The following ADGB variants were observed in gnomAD, a reference collection of about 807,000 sequenced individuals.
ADGB encodes the protein androglobin.
Under a neutral mutation model 210.5 loss-of-function variants are expected in ADGB, and 172 were observed. The observed-to-expected ratio is 0.82, with a 90% CI of 0.72 to 0.93. The LOEUF is 0.93. ADGB is among the 40% of genes least tolerant of loss of function. ADGB has a pLI of 0.00. For synonymous variants in ADGB, 658 were observed against 662.7 expected, an observed-to-expected ratio of 0.99 and a Z score of 0.11; for missense variants, 2,025 against 1,964.8, an observed-to-expected ratio of 1.03 and a Z score of -0.58.
intron 1 of ADGB, among the ~76,000 whole-genome samples, chr6:146,606,173 TA>T (rs1460292773): frequency 4.6e-5 from 7 of 152,172 alleles, no homozygotes; most frequent in Admixed American, 6.5e-5. Context: ...CTCTAATGAT[TA>T]GTGATGTTAA....
At chr6:146,667,274 T>C (rs1276120014) in intron 7 of ADGB, among the ~76,000 whole-genome samples, 1 of 151,948 alleles carries the variant, frequency 6.6e-6, no homozygotes, top group Non-Finnish European at 1.5e-5. Flanking sequence ...CCTCTACAGG[T>C]GGCAACTTGT....
chr6:146,613,060 A>G (rs1044831032), intron 1 of ADGB, among the ~76,000 whole-genome samples: 1 of 152,184 alleles, frequency 6.6e-6, no homozygotes, highest in Non-Finnish European at 1.5e-5. Context: ...AAACTTTGTT[A>G]TAAGCCCCTT....
rs1390155797 is a variant in ADGB at position 146,801,810 on chromosome 6, G to C, written c.4635-18G>C. 6.6e-7 allele frequency: 1 copy of C among 1,516,792 alleles called. No homozygotes were observed. Among genetic ancestry groups the C allele is most frequent in the Non-Finnish European group, 8.9e-7 (1 of 1,129,864 alleles). The allele number at this position is 1,516,792 out of a possible 1,614,324, so 94.0% of individuals were successfully genotyped here. ...TTCCCAAATGAAATCTGTATCTTTT[G>C]ATGACTTTTGTATCAAGGAAAACAG... On this transcript the variant is annotated intron_variant, in intron 34 of 35. Coordinates refer to ENST00000397944, the MANE Select transcript of ADGB (RefSeq NM_024694.4).
At position 146,721,386 on chromosome 6, in the gene ADGB, G is replaced by A. The variant is rs1208796716; in HGVS notation, c.1993-17G>A. ...TGAACTGATATTAAGTATGACAACT[G>A]GTCTAATTTCTTGCAGTTCTCAGAA... On this transcript the variant is annotated splice_polypyrimidine_tract_variant and intron_variant, in intron 16 of 35. Transcript: ENST00000397944. The A allele has an allele frequency of 1.9e-5, 27 of 1,428,532 alleles. No homozygotes were observed. Among genetic ancestry groups the A allele is most frequent in the South Asian group, 8.6e-5 (7 of 81,436 alleles). 88.5% of individuals were successfully genotyped at this position (1,428,532 alleles called of 1,614,324 possible). A position where few individuals can be genotyped will look rare whatever the true frequency, so the allele number is the denominator to read the frequency against.
At position 146,764,066 on chromosome 6, in the gene ADGB, C is replaced by G. The variant is rs1009601083; in HGVS notation, c.3716C>G (p.Pro1239Arg). The change falls in exon 28 of 36, where the codon CCC becomes CGC. Residue 1239 changes from proline to arginine, a missense_variant. Transcript: ENST00000397944. ...PLVEEETTST[P>R]TREDSSSTPL... ...GTGGAGGAGGAAACTACCAGTACACCCACTAGAGAAGACAGTTCCAGCACA... is the reference window on the plus strand; with the variant it reads ...GTGGAGGAGGAAACTACCAGTACACGCACTAGAGAAGACAGTTCCAGCACA... 1 of 1,550,606 alleles carries G rather than the reference C, an allele frequency of 6.4e-7. No individual in the cohort carries two copies. The highest frequency in any genetic ancestry group is 2.0e-5 in the Admixed American group (1 of 50,812).
intron 8 of ADGB, among the ~76,000 whole-genome samples, chr6:146,674,588 A>G (rs1776062034): frequency 6.6e-6 from 1 of 152,156 alleles, no homozygotes; most frequent in South Asian, 2.1e-4. Flanking sequence ...CAGACCAAAG[A>G]CTTCTACTTT....
Position 146,676,330 on chromosome 6 carries a change from G to T in ADGB, c.1105G>T (p.Asp369Tyr). 1 of 1,548,118 alleles carries T rather than the reference G, an allele frequency of 6.5e-7. No individual in the cohort carries two copies. Among genetic ancestry groups the T allele is most frequent in the African/African-American group, 1.4e-5 (1 of 72,966 alleles). The change falls in exon 9 of 36, where the codon GAC (aspartate) becomes TAC (tyrosine). Residue 369 changes from aspartate to tyrosine, a missense_variant. Physicochemically the swap from Asp to Tyr is radical, Grantham distance 160 (BLOSUM62 -3). Transcript: ENST00000397944. ...KVPKEKADAR[D>Y]IGKKRSKDGE... ...TATGTTAGAGAAAGCAGATGCAAGA[G>T]ACATTGGAAAGAAGAGAAGCAAAGA...
chr6:146,676,429 T>A lies in ADGB; in HGVS notation c.1204T>A (p.Ser402Thr). 4 of 1,436,006 alleles carry A rather than the reference T, an allele frequency of 2.8e-6. No individual in the cohort carries two copies. The highest frequency in any genetic ancestry group is 3.7e-6 in the Non-Finnish European group (4 of 1,089,978). 89.0% of individuals were successfully genotyped at this position (1,436,006 alleles called of 1,614,324 possible). ...ATCAGAAGTGCAGTACTCTGTGCAG[T>A]CCCTATCAGATTGTAAGCTCCTAAT... ...PSSEVQYSVQ[S>T]LSDCSSAIQT... The change falls in exon 9 of 36, where the codon TCC becomes ACC. Residue 402 changes from serine (S) to threonine (T), a missense_variant. Ser to Thr is a moderately conservative substitution (Grantham distance 58, BLOSUM62 1). Coordinates refer to ENST00000397944, the MANE Select transcript of ADGB (RefSeq NM_024694.4).
intron 1 of ADGB, among the ~76,000 whole-genome samples, chr6:146,602,961 C>T (rs544753321): frequency 3.9e-5 from 6 of 152,270 alleles, no homozygotes; most frequent in East Asian, 1.9e-4. Context: ...GGCTGCTCTA[C>T]TTAATTCACA....
intron 26 of ADGB, among the ~76,000 whole-genome samples, chr6:146,750,049 G>T: frequency 6.6e-6 from 1 of 152,142 alleles, no homozygotes; most frequent in East Asian, 1.9e-4. Flanking sequence ...GAGTAGGCAC[G>T]TGGAAGGTGG....
At chr6:146,696,559 A>T (rs1162998188) in intron 12 of ADGB, among the ~76,000 whole-genome samples, 1 of 152,172 alleles carries the variant, frequency 6.6e-6, no homozygotes, top group Non-Finnish European at 1.5e-5. Flanking sequence ...GTGAGGAAAA[A>T]TGTATTAATT....
intron 1 of ADGB, among the ~76,000 whole-genome samples, chr6:146,628,510 A>T (rs763446710): frequency 1.3e-5 from 2 of 152,082 alleles, no homozygotes; most frequent in Non-Finnish European, 2.9e-5. Flanking sequence ...CTCCTCAGCA[A>T]GGCCCTCAGT....
At chr6:146,674,229 A>G (rs1776054018) in intron 8 of ADGB, among the ~76,000 whole-genome samples, 1 of 152,208 alleles carries the variant, frequency 6.6e-6, no homozygotes, top group Non-Finnish European at 1.5e-5. Context: ...GGGAAGTAAA[A>G]TAATGTATAA....
At chr6:146,719,027 T>A (rs777737622) in intron 16 of ADGB, among the ~76,000 whole-genome samples, 1 of 152,236 alleles carries the variant, frequency 6.6e-6, no homozygotes, top group Non-Finnish European at 1.5e-5. Context: ...TATTTCCATA[T>A]TTAAACTATT....
intron 10 of ADGB, among the ~76,000 whole-genome samples, chr6:146,687,993 TA>T (rs1776255508): frequency 6.6e-6 from 1 of 152,108 alleles, no homozygotes; most frequent in South Asian, 2.1e-4. Context: ...AAACTAAGAC[TA>T]AAGACTAAAA....
chr6:146,694,644 A>G (rs4129313), intron 12 of ADGB, among the ~76,000 whole-genome samples: 86,282 of 151,964 alleles, frequency 0.57, 25,876 homozygotes, highest in African/African-American at 0.78. Context: ...AATATATAAA[A>G]CTCCTAAAAT....
intron 28 of ADGB, among the ~76,000 whole-genome samples, chr6:146,767,471 TC>T (rs1215340222): frequency 6.6e-6 from 1 of 152,106 alleles, no homozygotes; most frequent in Non-Finnish European, 1.5e-5. Flanking sequence ...ATTCTCCCCA[TC>T]AACTTTTTTC....
intron 29 of ADGB, among the ~76,000 whole-genome samples, chr6:146,774,964 G>T (rs561516789): frequency 3.3e-5 from 5 of 152,104 alleles, no homozygotes; most frequent in African/African-American, 9.6e-5. Flanking sequence ...GTAGAGATGG[G>T]GTTTAACCAT....
At chr6:146,741,517 C>T (rs1777164008) in intron 25 of ADGB, among the ~76,000 whole-genome samples, 1 of 152,132 alleles carries the variant, frequency 6.6e-6, no homozygotes, top group Non-Finnish European at 1.5e-5. Context: ...AAAAAGAAAG[C>T]ATTAGAAATT....
Sources: gnomAD v4.1 joint callset for allele counts (sites outside exome capture counted in the v4.1 genomes callset) on GRCh38, gnomAD v4.1.1 for gene constraint, MANE v1.5 for transcripts, NCBI Gene and HGNC (gene_info 2026-07-23, HGNC 2026-07-21) for gene names.